ADIPOQ: variants seen among roughly 807,000 people sequenced by gnomAD.
The protein encoded by ADIPOQ is adiponectin, C1Q and collagen domain containing.
Under a neutral mutation model 16.1 loss-of-function variants are expected in ADIPOQ, and 19 were observed. The ratio of observed to expected loss-of-function variants is 1.18; its 90% CI spans 0.82 to 1.73. The LOEUF (loss-of-function observed/expected upper bound fraction) is 1.73. Among genes scored for constraint, ADIPOQ ranks in the 40% most tolerant of loss-of-function variants. ADIPOQ has a pLI of 0.00. For synonymous variants in ADIPOQ, 124 were observed against 125.5 expected (o/e 0.99, Z 0.08); for missense variants, 323 against 308.3 (o/e 1.05, Z -0.36).
rs1413264394 is a variant in ADIPOQ at position 186,856,935 on chromosome 3, A to C, written c.*2231A>C. Reference sequence around the variant, plus strand: ...TGTTCTGTCTTTAGATAAGGTTTGAACCAAAGCTCAAAACAATCAAGACCC... The same window carrying C: ...TGTTCTGTCTTTAGATAAGGTTTGACCCAAAGCTCAAAACAATCAAGACCC... On this transcript the variant is annotated 3_prime_UTR_variant, in exon 3 of 3. Coordinates refer to ENST00000320741, the MANE Select transcript of ADIPOQ (RefSeq NM_004797.4). 6.6e-6 allele frequency: 1 copy of C among 152,222 alleles called. No individual in the cohort carries two copies. Among genetic ancestry groups the C allele is most frequent in the Non-Finnish European group, 1.5e-5 (1 of 68,030 alleles). The allele number at this position is 152,222 out of a possible 1,614,324, so 9.4% of individuals were successfully genotyped here.
Position 186,854,186 on chromosome 3 carries a change from C to G in ADIPOQ, c.217C>G (p.Leu73Val). The G allele has an allele frequency of 6.2e-7, 1 of 1,612,802 alleles. No individual in the cohort carries two copies. The highest frequency in any genetic ancestry group is 8.5e-7 in the Non-Finnish European group (1 of 1,179,236). ...ACTGAGGTCTTCTCATTCCTTAGGT[C>G]TTATTGGTCCTAAGGGAGACATCGG... ...GEKGEKGDPG[L>V]IGPKGDIGET... The change falls in exon 3 of 3, where the codon CTT becomes GTT. Residue 73 changes from leucine (L) to valine (V), a missense_variant and splice_region_variant. Physicochemically the swap from Leu to Val is conservative, Grantham distance 32 (BLOSUM62 1). Transcript: ENST00000320741.
In ADIPOQ at chr3:186,857,023, G is replaced by A. The variant is rs1427222713; in HGVS notation, c.*2319G>A. The A allele has an allele frequency of 6.6e-6, 1 of 152,186 alleles. No homozygotes were observed. Among genetic ancestry groups the A allele is most frequent in the Non-Finnish European group, 1.5e-5 (1 of 68,046 alleles). 9.4% of individuals were successfully genotyped at this position (152,186 alleles called of 1,614,324 possible). A position where few individuals can be genotyped will look rare whatever the true frequency, so the allele number is the denominator to read the frequency against. On this transcript the variant is annotated 3_prime_UTR_variant, in exon 3 of 3. Transcript: ENST00000320741. Reference sequence around the variant, plus strand: ...AGGCTTTACCCTCAGGTGCTACACAGTATAGTTCTAGGGTTTCCCTCCCGA... The same window carrying A: ...AGGCTTTACCCTCAGGTGCTACACAATATAGTTCTAGGGTTTCCCTCCCGA...
At position 186,854,826 on chromosome 3, in the gene ADIPOQ, A is replaced by G; in HGVS notation, c.*122A>G. 1 of 1,339,878 alleles carries G rather than the reference A, an allele frequency of 7.5e-7. No individual in the cohort carries two copies. Among genetic ancestry groups the G allele is most frequent in the Non-Finnish European group, 1.0e-6 (1 of 955,188 alleles). 83.0% of individuals were successfully genotyped at this position (1,339,878 alleles called of 1,614,324 possible). ...GCCTTTAGATATTATTCATTCATTT[A>G]CTCATTCATTTATTCATTCATTCAT... On this transcript the variant is annotated 3_prime_UTR_variant, in exon 3 of 3. Coordinates refer to ENST00000320741, the MANE Select transcript of ADIPOQ (RefSeq NM_004797.4).
At chr3:186,854,120 G>T (rs1246780411) in intron 2 of ADIPOQ, 64 bp from the exon 3 acceptor site, 4 of 1,558,380 alleles carry the variant, frequency 2.6e-6, no homozygotes, top group Non-Finnish European at 3.5e-6. Context: ...TGGTAATTTA[G>T]GCTGTAACCA....
At chr3:186,846,128 C>T (rs1711570780) in intron 1 of ADIPOQ, among the ~76,000 whole-genome samples, 1 of 152,126 alleles carries the variant, frequency 6.6e-6, no homozygotes. Context: ...GAACTGGCTT[C>T]TATAAGGTTC....
At chr3:186,848,847 T>C (rs1461802857) in intron 1 of ADIPOQ, among the ~76,000 whole-genome samples, 1 of 152,198 alleles carries the variant, frequency 6.6e-6, no homozygotes, top group Non-Finnish European at 1.5e-5. Context: ...TAATTGCTGG[T>C]TTCCCACCCA....
At chr3:186,847,735 C>T (rs1050815804) in intron 1 of ADIPOQ, among the ~76,000 whole-genome samples, 2 of 152,170 alleles carry the variant, frequency 1.3e-5, no homozygotes. Context: ...AGGGACACAA[C>T]AAATAGCATT....
Position 186,854,872 on chromosome 3 carries a change from A to G in ADIPOQ, c.*168A>G, listed in dbSNP as rs961071399. ...TTCATCGAGTAACTTTAAAAAAATCATATGCTATGTTCCCAGTCCTGGGGA... is the reference window on the plus strand; with the variant it reads ...TTCATCGAGTAACTTTAAAAAAATCGTATGCTATGTTCCCAGTCCTGGGGA... On this transcript the variant is annotated 3_prime_UTR_variant, in exon 3 of 3. Transcript: ENST00000320741. The G allele has an allele frequency of 2.0e-6, 2 of 1,001,310 alleles. No individual in the cohort carries two copies. Among genetic ancestry groups the G allele is most frequent in the Admixed American group, 2.3e-5 (1 of 43,574 alleles). The allele number at this position is 1,001,310 out of a possible 1,614,324, so 62.0% of individuals were successfully genotyped here.
chr3:186,844,720 A>G (rs189227287), intron 1 of ADIPOQ, among the ~76,000 whole-genome samples: 1 of 151,970 alleles, frequency 6.6e-6, no homozygotes, highest in East Asian at 1.9e-4. Flanking sequence ...ATTTTTAAAA[A>G]TTTTTTGTAG....
Position 186,854,738 on chromosome 3 carries a change from C to G in ADIPOQ, c.*34C>G, listed in dbSNP as rs770841121. The G allele has an allele frequency of 1.2e-6, 2 of 1,612,434 alleles. No individual in the cohort carries two copies. Among genetic ancestry groups the G allele is most frequent in the Non-Finnish European group, 8.5e-7 (1 of 1,179,156 alleles). ...AACTCAGAGCCTCCTCCAGGCCAAA[C>G]AGCCCCAAAGTCAATTAAAGGCTTT... On this transcript the variant is annotated 3_prime_UTR_variant, in exon 3 of 3. Transcript: ENST00000320741.
intron 1 of ADIPOQ, among the ~76,000 whole-genome samples, chr3:186,843,465 G>A (rs546313540): frequency 6.6e-6 from 1 of 152,040 alleles, no homozygotes; most frequent in South Asian, 2.1e-4. Flanking sequence ...TTCCAGACTA[G>A]CCTGACCAAC....
intron 1 of ADIPOQ, among the ~76,000 whole-genome samples, chr3:186,844,521 A>AG (rs1711528614): frequency 6.6e-6 from 1 of 151,928 alleles, no homozygotes; most frequent in Non-Finnish European, 1.5e-5. Flanking sequence ...CAAAAAAAAA[A>AG]AAAAAAAAAT....
intron 2 of ADIPOQ, 190 bp from the exon 3 acceptor site, chr3:186,853,994 A>G: frequency 1.7e-6 from 1 of 603,172 alleles, no homozygotes; most frequent in East Asian, 2.8e-5. Flanking sequence ...AAATTATGGG[A>G]GCCTCCATGT....
intron 1 of ADIPOQ, among the ~76,000 whole-genome samples, chr3:186,849,335 G>A (rs1711672363): frequency 6.6e-6 from 1 of 152,216 alleles, no homozygotes; most frequent in Non-Finnish European, 1.5e-5. Context: ...AAGGGTGGAG[G>A]TGACAAGCAG....
chr3:186,855,240 C>T lies in ADIPOQ; in HGVS notation c.*536C>T, dbSNP rs922500332. On this transcript the variant is annotated 3_prime_UTR_variant, in exon 3 of 3. Coordinates refer to ENST00000320741, the MANE Select transcript of ADIPOQ (RefSeq NM_004797.4). ...TTGCCTTCCTCATGAATTAAAACCT[C>T]CCCCAAGCAGAGCTTCCTCAGAGAA... The T allele has an allele frequency of 5.9e-6, 1 of 168,086 alleles. No homozygotes were observed. The highest frequency in any genetic ancestry group is 1.3e-5 in the Non-Finnish European group (1 of 77,580). The allele number at this position is 168,086 out of a possible 1,614,324, so 10.4% of individuals were successfully genotyped here. A position where few individuals can be genotyped will look rare whatever the true frequency, so the allele number is the denominator to read the frequency against.
chr3:186,857,349 G>C lies in ADIPOQ; in HGVS notation c.*2645G>C, dbSNP rs1022992006. ...ACACTGTTATCAGAAATAGGAGAGT[G>C]GATGATAGATGCAAAATAATACCTG... is the stretch of plus-strand genomic sequence containing the variant. On this transcript the variant is annotated 3_prime_UTR_variant, in exon 3 of 3. Transcript: ENST00000320741. 6.6e-6 allele frequency: 1 copy of C among 152,204 alleles called. No homozygotes were observed. Among genetic ancestry groups the C allele is most frequent in the African/African-American group, 2.4e-5 (1 of 41,450 alleles). The allele number at this position is 152,204 out of a possible 1,614,324, so 9.4% of individuals were successfully genotyped here. A position where few individuals can be genotyped will look rare whatever the true frequency, so the allele number is the denominator to read the frequency against.
At chr3:186,844,754 TG>T (rs924740952) in intron 1 of ADIPOQ, among the ~76,000 whole-genome samples, 3 of 152,052 alleles carry the variant, frequency 2.0e-5, no homozygotes, top group African/African-American at 7.2e-5. Flanking sequence ...CTATATTGGC[TG>T]GGGGGCCTCA....
In ADIPOQ at chr3:186,854,209, C is replaced by T. The variant is rs200363536; in HGVS notation, c.240C>T (p.Ile80=). The T allele has an allele frequency of 2.4e-5, 39 of 1,613,122 alleles. No individual in the cohort carries two copies. The highest frequency in any genetic ancestry group is 6.6e-5 in the South Asian group (6 of 90,990). Residue 80 remains isoleucine, a synonymous_variant, in exon 3 of 3, where the codon ATC becomes ATT. Coordinates refer to ENST00000320741, the MANE Select transcript of ADIPOQ (RefSeq NM_004797.4). The part of the protein sequence containing the change: ...DPGLIGPKGD[I]GETGVPGAEG... ...GTCTTATTGGTCCTAAGGGAGACAT[C>T]GGTGAAACCGGAGTACCCGGGGCTG...
intron 1 of ADIPOQ, among the ~76,000 whole-genome samples, chr3:186,844,511 C>CAAAA (rs33955672): frequency 2.4e-5 from 3 of 122,464 alleles, no homozygotes; most frequent in Admixed American, 8.6e-5. Flanking sequence ...AACTCCATCT[C>CAAAA]AAAAAAAAAA....
Sources: allele counts gnomAD v4.1 joint callset (sites outside exome capture counted in the v4.1 genomes callset), GRCh38; gene constraint gnomAD v4.1.1; transcripts MANE v1.5; gene names NCBI Gene and HGNC (gene_info 2026-07-23, HGNC 2026-07-21).